The following JAKMIP3 variants were observed in gnomAD, a reference collection of about 807,000 sequenced individuals.
The protein encoded by JAKMIP3 is Janus kinase and microtubule interacting protein 3, also known as janus kinase and microtubule-interacting protein 3.
In JAKMIP3, 58 loss-of-function variants were observed where a neutral mutation model predicts 118.5. That is an observed-to-expected ratio of 0.49 (90% CI 0.40 to 0.61). The LOEUF is 0.61. Ranked by LOEUF, JAKMIP3 falls within the 20% of genes least tolerant of loss-of-function variation. The pLI, the probability that JAKMIP3 is intolerant of heterozygous loss-of-function variation, is 0.00. For missense variants in JAKMIP3, 950 were observed against 1,109.0 expected, an observed-to-expected ratio of 0.86 and a Z score of 2.04; for synonymous variants, 486 against 451.2, an observed-to-expected ratio of 1.08 and a Z score of -0.98.
rs1396998832 is a variant in JAKMIP3, at chr10:132,163,231, T to C, written c.2243T>C (p.Met748Thr). Residue 748 changes from methionine to threonine, a missense_variant, in exon 20 of 24, where the codon ATG (methionine) becomes ACG (threonine). Physicochemically the swap from Met to Thr is moderately conservative, Grantham distance 81. Transcript: ENST00000684848. ...ANKHILELEA[M>T]LYDALQQEAG... ...CAGCACATCCTGGAGCTGGAAGCCA[T>C]GCTGTATGATGCCCTGCAGCAGGAG... is the stretch of plus-strand genomic sequence containing the variant. 3 of 1,567,402 alleles carry C rather than the reference T, an allele frequency of 1.9e-6. No individual in the cohort carries two copies. The highest frequency in any genetic ancestry group is 1.4e-5 in the African/African-American group (1 of 74,072).
chr10:132,144,695 G>C (rs548680030), intron 11 of JAKMIP3: 39 of 166,332 alleles, frequency 2.3e-4, no homozygotes, highest in Non-Finnish European at 4.4e-4. Context: ...TTGGGAGGCT[G>C]AGGCAAGTGG....
At chr10:132,046,893 A>AT (rs1405091336) in intron 1 of JAKMIP3, among the ~76,000 whole-genome samples, 18 of 151,352 alleles carry the variant, frequency 1.2e-4, no homozygotes, top group Non-Finnish European at 2.1e-4. Context: ...TTACAACTGG[A>AT]TTTTTTTTTA....
At chr10:132,124,356 C>T (rs576602332) in intron 3 of JAKMIP3, among the ~76,000 whole-genome samples, 1,582 of 141,828 alleles carry the variant, frequency 0.011, 16 homozygotes, top group Middle Eastern at 0.023. Context: ...CGTGATCACA[C>T]GTCCCACCCC....
At chr10:132,037,657 A>G (rs1304258451) in intron 1 of JAKMIP3, among the ~76,000 whole-genome samples, 2 of 152,086 alleles carry the variant, frequency 1.3e-5, no homozygotes, top group African/African-American at 4.8e-5. Context: ...TCCCTCCCTC[A>G]AGTAAAGGGC....
intron 1 of JAKMIP3, among the ~76,000 whole-genome samples, chr10:132,048,815 A>AT (rs1393158138): frequency 1.3e-5 from 2 of 150,552 alleles, no homozygotes; most frequent in Admixed American, 6.6e-5. Context: ...TTTTTTTTGT[A>AT]TTTTTTGGTA....
chr10:132,142,066 C>CGT lies in JAKMIP3; in HGVS notation c.1602+19_1602+20insTG, dbSNP rs67725808. ...AAGTTAAGGTCTACGTGACTTCCACCGCGCGTTCCGGCCCCCCTCGTGCCT... is the reference window on the plus strand; with the variant it reads ...AAGTTAAGGTCTACGTGACTTCCACCGTGCGCGTTCCGGCCCCCCTCGTGCCT... On this transcript the variant is annotated intron_variant, in intron 11 of 23. Coordinates refer to ENST00000684848, the MANE Select transcript of JAKMIP3 (RefSeq NM_001323087.2). The CGT allele has an allele frequency of 9.0e-6, 13 of 1,444,928 alleles. No individual in the cohort carries two copies. The highest frequency in any genetic ancestry group is 2.9e-5 in the African/African-American group (1 of 34,724). 89.5% of individuals were successfully genotyped at this position (1,444,928 alleles called of 1,614,324 possible). A position where few individuals can be genotyped will look rare whatever the true frequency, so the allele number is the denominator to read the frequency against.
chr10:132,180,672 TGTGCGCGCGCGTGTGTGTGC>T (rs1803637061), intron 23 of JAKMIP3, among the ~76,000 whole-genome samples: 1 of 31,042 alleles, frequency 3.2e-5, no homozygotes. Flanking sequence ...TGTGCGTGTG[TGTGCGCGCGCGTGTGTGTGC>T]GTGCGTGTGT....
At chr10:132,166,470 T>C (rs1476299924) in intron 21 of JAKMIP3, among the ~76,000 whole-genome samples, 5 of 152,190 alleles carry the variant, frequency 3.3e-5, no homozygotes, top group Non-Finnish European at 1.5e-5. Flanking sequence ...CTGTGTGCGC[T>C]TTGTCTGCTC....
intron 1 of JAKMIP3, among the ~76,000 whole-genome samples, chr10:132,092,845 T>C (rs2043269881): frequency 6.6e-6 from 1 of 152,272 alleles, no homozygotes; most frequent in Admixed American, 6.5e-5. Context: ...AGAGGCGCTC[T>C]GATTTTTAGA....
At chr10:132,157,821 G>A (rs2057276902) in intron 19 of JAKMIP3, among the ~76,000 whole-genome samples, 1 of 152,124 alleles carries the variant, frequency 6.6e-6, no homozygotes, top group African/African-American at 2.4e-5. Context: ...ATGGGACATG[G>A]CAAATATTTC....
chr10:132,168,475 C>T lies in JAKMIP3; in HGVS notation c.*545C>T, dbSNP rs890102236. On this transcript the variant is annotated 3_prime_UTR_variant, in exon 23 of 24. Coordinates refer to ENST00000684848, the MANE Select transcript of JAKMIP3 (RefSeq NM_001323087.2). ...GGATGGTCCTGGGAGGGCTCCCCGA[C>T]GCCTCAGGGGCCCCTCCGATGCTGC... is the stretch of plus-strand genomic sequence containing the variant. 86 of 1,118,056 alleles carry T rather than the reference C, an allele frequency of 7.7e-5. No homozygotes were observed. Among genetic ancestry groups the T allele is most frequent in the South Asian group, 2.0e-4 (14 of 71,510 alleles). 69.3% of individuals were successfully genotyped at this position (1,118,056 alleles called of 1,614,324 possible).
intron 16 of JAKMIP3, among the ~76,000 whole-genome samples, chr10:132,152,393 G>A (rs760505564): frequency 5.3e-5 from 8 of 152,192 alleles, no homozygotes; most frequent in Non-Finnish European, 1.0e-4. Flanking sequence ...AGTGTGAGGT[G>A]CCCACATCGA....
At chr10:132,163,675 A>C (rs554428996) in intron 20 of JAKMIP3, among the ~76,000 whole-genome samples, 1 of 152,190 alleles carries the variant, frequency 6.6e-6, no homozygotes, top group South Asian at 2.1e-4. Context: ...CCTGCTGGCC[A>C]CACCCTCTGA....
intron 1 of JAKMIP3, among the ~76,000 whole-genome samples, chr10:132,090,889 CT>C (rs202210047): frequency 0.015 from 2,336 of 151,920 alleles, 48 homozygotes; most frequent in African/African-American, 0.053. Flanking sequence ...AATTTTAGAT[CT>C]TTCCTGCTTT....
At chr10:132,115,085 C>A (rs2047418913) in intron 2 of JAKMIP3, among the ~76,000 whole-genome samples, 1 of 152,208 alleles carries the variant, frequency 6.6e-6, no homozygotes, top group South Asian at 2.1e-4. Context: ...TGCTGTGGCT[C>A]CGATTCCATA....
chr10:132,124,824 T>C (rs1005200761), intron 3 of JAKMIP3, among the ~76,000 whole-genome samples: 8 of 152,244 alleles, frequency 5.3e-5, no homozygotes, highest in African/African-American at 1.9e-4. Context: ...AGAAGAGCCA[T>C]TCGGCTGGTG....
rs199530421 is a variant in JAKMIP3 at position 132,152,910 on chromosome 10, C to A, written c.2008-48C>A. Reference sequence around the variant, plus strand: ...ATGCATCCATCACTCACCCTCACCCCCAAAGGCACTGCTTCTGACCGCACC... The same window carrying A: ...ATGCATCCATCACTCACCCTCACCCACAAAGGCACTGCTTCTGACCGCACC... On this transcript the variant is annotated intron_variant, in intron 16 of 23. Transcript: ENST00000684848. 2.6e-5 allele frequency: 39 copies of A among 1,480,182 alleles called. 1 individual carries two copies. In the South Asian group the frequency reaches 4.0e-4, roughly 15 times the overall value. 91.7% of individuals were successfully genotyped at this position (1,480,182 alleles called of 1,614,324 possible).
intron 14 of JAKMIP3, among the ~76,000 whole-genome samples, chr10:132,149,098 C>T (rs2055288762): frequency 6.6e-6 from 1 of 152,156 alleles, no homozygotes; most frequent in African/African-American, 2.4e-5. Context: ...CTGATCCTCC[C>T]CATAGCCCCT....
At chr10:132,143,105 G>A in intron 11 of JAKMIP3, among the ~76,000 whole-genome samples, 1 of 151,650 alleles carries the variant, frequency 6.6e-6, no homozygotes, top group East Asian at 1.9e-4. Context: ...AACTAAGAGA[G>A]AGCTCCACCC....
Sources: allele counts gnomAD v4.1 joint callset (sites outside exome capture counted in the v4.1 genomes callset), GRCh38; gene constraint gnomAD v4.1.1; transcripts MANE v1.5; gene names NCBI Gene and HGNC (gene_info 2026-07-23, HGNC 2026-07-21).